Variants in SPMIP3 observed in about 807,000 individuals in gnomAD.
The protein encoded by SPMIP3 is sperm microtubule inner protein 3, also known as protein SPMIP3.
At chr1:244,377,599 T>A in the SPMIP3 span, among the ~76,000 whole-genome samples, 4 of 152,224 alleles carry the variant, frequency 2.6e-5, no homozygotes, top group African/African-American at 9.6e-5. Context: ...ATAAAATATG[T>A]GCAGATTTTC....
the SPMIP3 span, among the ~76,000 whole-genome samples, chr1:244,382,003 G>A: frequency 1.3e-5 from 2 of 152,230 alleles, no homozygotes; most frequent in East Asian, 3.8e-4. Context: ...CTAAAGCAGT[G>A]TGCAGAGGAT....
chr1:244,361,876 T>C, the SPMIP3 span, among the ~76,000 whole-genome samples: 18 of 152,324 alleles, frequency 1.2e-4, no homozygotes, highest in South Asian at 8.3e-4. Context: ...CCTGGCATTC[T>C]TCTGTCCAGC....
chr1:244,388,329 A>C, the SPMIP3 span, among the ~76,000 whole-genome samples: 2 of 152,188 alleles, frequency 1.3e-5, no homozygotes, highest in African/African-American at 4.8e-5. Flanking sequence ...TCCTTAGGTC[A>C]GTTGTGAAAA....
the SPMIP3 span, among the ~76,000 whole-genome samples, chr1:244,381,870 G>A: frequency 6.6e-6 from 1 of 152,218 alleles, no homozygotes. Flanking sequence ...GGTGGAAGTT[G>A]CAGTGAGTTG....
the SPMIP3 span, among the ~76,000 whole-genome samples, chr1:244,360,566 A>G: frequency 7.4e-6 from 1 of 135,740 alleles, no homozygotes; most frequent in African/African-American, 2.7e-5. Flanking sequence ...ACATGCATGC[A>G]TGGAATATTA....
the SPMIP3 span, among the ~76,000 whole-genome samples, chr1:244,380,351 C>A: frequency 6.6e-6 from 1 of 152,104 alleles, no homozygotes; most frequent in Non-Finnish European, 1.5e-5. Context: ...AACTCCTGAT[C>A]TGAAGTGATC....
the SPMIP3 span, among the ~76,000 whole-genome samples, chr1:244,357,030 C>T: frequency 2.0e-5 from 3 of 150,510 alleles, no homozygotes; most frequent in African/African-American, 4.9e-5. Flanking sequence ...TCAAGTGATC[C>T]TTCCATCTCA....
chr1:244,367,514 C>T, the SPMIP3 span, among the ~76,000 whole-genome samples: 1 of 152,098 alleles, frequency 6.6e-6, no homozygotes, highest in African/African-American at 2.4e-5. Context: ...AGAGCTGCCT[C>T]ACGGTGCGCA....
At chr1:244,389,025 G>T in the SPMIP3 span, 1 of 1,613,926 alleles carries the variant, frequency 6.2e-7, no homozygotes, top group South Asian at 1.1e-5. Flanking sequence ...CTACTGTTGT[G>T]AAGAGAGAAG....
the SPMIP3 span, among the ~76,000 whole-genome samples, chr1:244,382,389 AAGTAAC>A: frequency 6.6e-6 from 1 of 152,128 alleles, no homozygotes; most frequent in African/African-American, 2.4e-5. Context: ...TTTCAGGCAA[AAGTAAC>A]AGTAAGTGCA....
At chr1:244,375,160 C>A in the SPMIP3 span, 1 of 356,294 alleles carries the variant, frequency 2.8e-6, no homozygotes. Flanking sequence ...GGAGGGAGGC[C>A]TGCGAGGCCC....
chr1:244,389,021 T>C, the SPMIP3 span: 3 of 1,613,962 alleles, frequency 1.9e-6, no homozygotes, highest in South Asian at 1.1e-5. Context: ...AGCTCTACTG[T>C]TGTGAAGAGA....
chr1:244,375,218 C>A, the SPMIP3 span: 2 of 541,476 alleles, frequency 3.7e-6, no homozygotes, highest in Non-Finnish European at 6.4e-6. Flanking sequence ...TGAAAAAGAC[C>A]CTTATCAGGA....
the SPMIP3 span, among the ~76,000 whole-genome samples, chr1:244,360,251 C>T: frequency 6.6e-6 from 1 of 152,208 alleles, no homozygotes; most frequent in Non-Finnish European, 1.5e-5. Context: ...AAAGGGGAAC[C>T]TTCATACGCT....
chr1:244,354,990 C>T, the SPMIP3 span, among the ~76,000 whole-genome samples: 1 of 152,190 alleles, frequency 6.6e-6, no homozygotes. Context: ...CTGTAAGCAA[C>T]ATGGCGGCGA....
chr1:244,359,809 A>T, the SPMIP3 span, among the ~76,000 whole-genome samples: 1 of 152,022 alleles, frequency 6.6e-6, no homozygotes, highest in African/African-American at 2.4e-5. Context: ...TAACAGGTGT[A>T]TAAAAAAAAA....
chr1:244,375,356 T>TCAC, the SPMIP3 span: 1 of 1,599,362 alleles, frequency 6.3e-7, no homozygotes, highest in Non-Finnish European at 8.6e-7. Context: ...TCTCACCTCC[T>TCAC]CACTTTCTGC....
the SPMIP3 span, among the ~76,000 whole-genome samples, chr1:244,372,204 C>T: frequency 2.0e-4 from 30 of 152,290 alleles, no homozygotes; most frequent in South Asian, 6.2e-3. Flanking sequence ...TCTTCTGTGT[C>T]CTATGGACCC....
chr1:244,379,559 A>C, the SPMIP3 span, among the ~76,000 whole-genome samples: 1 of 152,124 alleles, frequency 6.6e-6, no homozygotes, highest in East Asian at 1.9e-4. Context: ...TTGTGCCTAA[A>C]CATACTGTTA....
Sources: gnomAD v4.1 joint callset for allele counts (sites outside exome capture counted in the v4.1 genomes callset) on GRCh38, gnomAD v4.1.1 for gene constraint, MANE v1.5 for transcripts, NCBI Gene and HGNC (gene_info 2026-07-23, HGNC 2026-07-21) for gene names.